A2ML1: variants seen among roughly 807,000 people sequenced by gnomAD.
A2ML1 encodes alpha-2-macroglobulin-like protein 1.
A2ML1 carries 161 observed loss-of-function variants against 181.9 expected under a neutral mutation model. That is an observed-to-expected ratio of 0.89 (90% CI 0.78 to 1.01). The LOEUF (loss-of-function observed/expected upper bound fraction) is 1.01. Among genes scored for constraint, A2ML1 ranks in the 50% least tolerant of loss-of-function variants. The pLI, the probability that A2ML1 is intolerant of heterozygous loss-of-function variation, is 0.00. For synonymous variants in A2ML1, 663 were observed against 666.8 expected (o/e 0.99, Z 0.09); for missense variants, 1,670 against 1,768.1 (o/e 0.94, Z 1.00).
At chr12:8,871,604 C>T (rs1433816976) in intron 33 of A2ML1, among the ~76,000 whole-genome samples, 6 of 152,056 alleles carry the variant, frequency 3.9e-5, no homozygotes, top group Non-Finnish European at 5.9e-5. Context: ...TGAGCCACCA[C>T]GCCTGGCCTC....
chr12:8,844,960 G>T, intron 12 of A2ML1: 1 of 1,330,314 alleles, frequency 7.5e-7, no homozygotes, highest in Non-Finnish European at 9.6e-7. Context: ...GAGAGTGGAC[G>T]GGAAGGGGGA....
intron 21 of A2ML1, among the ~76,000 whole-genome samples, chr12:8,854,501 T>C (rs777352378): frequency 6.6e-6 from 1 of 152,324 alleles, no homozygotes; most frequent in Admixed American, 6.5e-5. Context: ...CATCAATAGC[T>C]GCCTTTTTCG....
downstream of A2ML1, among the ~76,000 whole-genome samples, chr12:8,877,975 C>T (rs10771154): frequency 0.43 from 64,750 of 151,950 alleles, 14,965 homozygotes; most frequent in Non-Finnish European, 0.52. Context: ...AAATGTGGTC[C>T]ATGTATACCA....
intron 20 of A2ML1, among the ~76,000 whole-genome samples, chr12:8,853,693 T>A (rs1943966250): frequency 6.6e-6 from 1 of 152,170 alleles, no homozygotes; most frequent in Non-Finnish European, 1.5e-5. Flanking sequence ...ATCACATGAA[T>A]CTCTCTGCTG....
Position 8,852,336 on chromosome 12 carries a change from G to C in A2ML1, c.2590G>C (p.Gly864Arg). Residue 864 changes from glycine (G) to arginine (R), a missense_variant and splice_region_variant, in exon 20 of 36, where the codon GGT becomes CGT. Coordinates refer to ENST00000299698, the MANE Select transcript of A2ML1 (RefSeq NM_144670.6). This position sits in a 1 kb window ranked among gnomAD's most constrained non-coding sequence, Gnocchi z 4.2. ...HHWNITAVKL[G>R]HINFTISTKI... ...CTGGAACATCACAGCTGTCAAATTG[G>C]GTAAGAGAGGGAAGTGGTAGACGGG... is the stretch of plus-strand genomic sequence containing the variant. The C allele has an allele frequency of 6.2e-7, 1 of 1,613,976 alleles. No homozygotes were observed. Among genetic ancestry groups the C allele is most frequent in the South Asian group, 1.1e-5 (1 of 91,062 alleles).
Position 8,861,258 on chromosome 12 carries a change from A to G in A2ML1, c.3463A>G (p.Ile1155Val). The G allele has an allele frequency of 1.2e-6, 2 of 1,614,112 alleles. No homozygotes were observed. Among genetic ancestry groups the G allele is most frequent in the South Asian group, 2.2e-5 (2 of 91,076 alleles). ...GGCTGGGGAAATGGACATCAGAAAC[A>G]TTCTCCTTAAACAGTTAGATCAACA... is the stretch of plus-strand genomic sequence containing the variant. ...SLAGEMDIRN[I>V]LLKQLDQQAI... The change falls in exon 28 of 36, where the codon ATT (isoleucine) becomes GTT (valine). Residue 1155 changes from isoleucine to valine, a missense_variant. Ile to Val is a conservative substitution (Grantham distance 29). Transcript: ENST00000299698.
chr12:8,836,376 G>T, intron 7 of A2ML1, 37 bp downstream of exon 7: 2 of 1,553,190 alleles, frequency 1.3e-6, no homozygotes, highest in Non-Finnish European at 1.8e-6. Context: ...GGAGATTAAA[G>T]ATGCATCGAG....
intron 8 of A2ML1, among the ~76,000 whole-genome samples, chr12:8,837,823 T>G (rs1304920440): frequency 6.9e-6 from 1 of 145,928 alleles, no homozygotes; most frequent in Admixed American, 7.1e-5. Flanking sequence ...GAGGTTGCAA[T>G]GAGCCGAGAT....
At chr12:8,837,294 A>T in intron 7 of A2ML1, 146 bp from the exon 8 acceptor site, 1 of 953,190 alleles carries the variant, frequency 1.0e-6, no homozygotes, top group Non-Finnish European at 1.5e-6. Context: ...TGCTGGGATT[A>T]CAGGCGTGAG....
At chr12:8,845,144 A>G (rs987194841) in intron 12 of A2ML1, 2 of 1,487,358 alleles carry the variant, frequency 1.3e-6, no homozygotes. Flanking sequence ...AAATTTGGAG[A>G]TCTTCAAGAA....
At chr12:8,836,391 A>G (rs751739174) in intron 7 of A2ML1, 52 bp downstream of exon 7, 2 of 1,495,496 alleles carry the variant, frequency 1.3e-6, no homozygotes, top group South Asian at 1.1e-5. Context: ...ATCGAGAGAC[A>G]TGATGAGGGG....
At chr12:8,836,676 A>G (rs7304446) in intron 7 of A2ML1, among the ~76,000 whole-genome samples, 144,438 of 151,960 alleles carry the variant, frequency 0.95, 68,956 homozygotes, top group East Asian at 1. Flanking sequence ...TAGAGATGGG[A>G]TTTCGCCGTG....
rs1163675779 is a variant in A2ML1, at chr12:8,858,021, T to C, written c.3183T>C (p.Asp1061=). 6.2e-7 allele frequency: 1 copy of C among 1,614,040 alleles called. No homozygotes were observed. The highest frequency in any genetic ancestry group is 8.5e-7 in the Non-Finnish European group (1 of 1,180,048). ...TCATTGATCCCAAGAACATCCAGGA[T>C]GCTCTCAAGTGGATGGCAGGAAACC... ...FIFIDPKNIQ[D]ALKWMAGNQL... is the part of the protein sequence containing the mutation. Residue 1061 remains aspartate (D), a synonymous_variant, in exon 26 of 36, where the codon GAT becomes GAC. Coordinates refer to ENST00000299698, the MANE Select transcript of A2ML1 (RefSeq NM_144670.6).
intron 3 of A2ML1, among the ~76,000 whole-genome samples, chr12:8,825,308 T>C (rs1245324985): frequency 6.6e-6 from 1 of 152,210 alleles, no homozygotes; most frequent in Non-Finnish European, 1.5e-5. Context: ...TGAGATAATA[T>C]CTCATTGTAG....
intron 29 of A2ML1, among the ~76,000 whole-genome samples, chr12:8,866,224 G>A (rs1944420042): frequency 6.7e-6 from 1 of 148,306 alleles, no homozygotes; most frequent in African/African-American, 2.5e-5. Context: ...AGAATGGCGT[G>A]AACCCAGGAG....
chr12:8,851,002 G>C (rs1051097789), intron 18 of A2ML1, among the ~76,000 whole-genome samples: 4 of 152,202 alleles, frequency 2.6e-5, no homozygotes, highest in Non-Finnish European at 5.9e-5. Flanking sequence ...GCCTCCCAAA[G>C]TGTTGGGATT....
chr12:8,873,100 CTCAGATAT>C (rs1278538078), intron 33 of A2ML1, among the ~76,000 whole-genome samples: 1 of 152,128 alleles, frequency 6.6e-6, no homozygotes, highest in Non-Finnish European at 1.5e-5. Flanking sequence ...ATTCTGACCT[CTCAGATAT>C]TCTGATGCAA....
intron 3 of A2ML1, among the ~76,000 whole-genome samples, chr12:8,828,209 C>T (rs750558649): frequency 1.1e-4 from 17 of 152,194 alleles, no homozygotes; most frequent in Admixed American, 4.6e-4. Flanking sequence ...TTCCCCATGA[C>T]CCTGGAAGGT....
Position 8,837,486 on chromosome 12 carries a change from T to C in A2ML1, c.775T>C (p.Cys259Arg). 1 of 1,614,136 alleles carries C rather than the reference T, an allele frequency of 6.2e-7. No individual in the cohort carries two copies. The highest frequency in any genetic ancestry group is 8.5e-7 in the Non-Finnish European group (1 of 1,179,978). ...PMLGAVQVSV[C>R]QKANTYWYRE... Reference sequence around the variant, plus strand: ...GCTAGGGGCAGTGCAGGTATCTGTGTGTCAGAAGGCAAATACTTACTGGTA... The same window carrying C: ...GCTAGGGGCAGTGCAGGTATCTGTGCGTCAGAAGGCAAATACTTACTGGTA... The change falls in exon 8 of 36, where the codon TGT (cysteine) becomes CGT (arginine). Residue 259 changes from cysteine to arginine, a missense_variant. By Grantham distance (180) the Cys-to-Arg change is radical (BLOSUM62 -3). Coordinates refer to ENST00000299698, the MANE Select transcript of A2ML1 (RefSeq NM_144670.6).
Sources: gnomAD v4.1 joint callset for allele counts (sites outside exome capture counted in the v4.1 genomes callset) on GRCh38, gnomAD v4.1.1 for gene constraint, Gnocchi (gnomAD v3.1) non-coding constraint, MANE v1.5 for transcripts, NCBI Gene and HGNC (gene_info 2026-07-23, HGNC 2026-07-21) for gene names.